The following ADAM12 variants were observed in gnomAD, a reference collection of about 807,000 sequenced individuals.
The protein encoded by ADAM12 is ADAM metallopeptidase domain 12.
Under a neutral mutation model 106.4 loss-of-function variants are expected in ADAM12, and 70 were observed. The ratio of observed to expected loss-of-function variants is 0.66; its 90% confidence interval spans 0.54 to 0.80. ADAM12 has a LOEUF of 0.80. Among genes scored for constraint, ADAM12 ranks in the 30% least tolerant of loss-of-function variants. The probability of loss-of-function intolerance (pLI) is 0.00; values close to 1 mark genes in which losing one functional copy is unlikely to be tolerated. For synonymous variants in ADAM12, 420 were observed against 433.5 expected, an observed-to-expected ratio of 0.97 and a Z score of 0.39; for missense variants, 1,010 against 1,171.9, an observed-to-expected ratio of 0.86 and a Z score of 2.02.
intron 12 of ADAM12, 21 bp downstream of exon 12, chr10:126,071,454 CTT>C (rs1289328218): frequency 1.1e-5 from 17 of 1,611,646 alleles, no homozygotes; most frequent in Non-Finnish European, 1.4e-5. Context: ...TTCTTGTATC[CTT>C]GTTCTGGGAA....
chr10:126,103,378 C>T (rs551118934), intron 8 of ADAM12, among the ~76,000 whole-genome samples: 4 of 152,306 alleles, frequency 2.6e-5, no homozygotes, highest in African/African-American at 9.6e-5. Flanking sequence ...TTGATTCTTC[C>T]TAATAACCAC....
At chr10:126,086,680 A>AAAAAAAAAATATAT (rs1554966976) in intron 11 of ADAM12, among the ~76,000 whole-genome samples, 1 of 24,268 alleles carries the variant, frequency 4.1e-5, no homozygotes, top group East Asian at 2.7e-3. Flanking sequence ...AAAAAAAAAA[A>AAAAAAAAAATATAT]ATATATATAT....
chr10:126,151,573 C>T (rs1956728799), intron 4 of ADAM12, among the ~76,000 whole-genome samples: 1 of 152,020 alleles, frequency 6.6e-6, no homozygotes, highest in Non-Finnish European at 1.5e-5. Context: ...TCATTTTGTG[C>T]ATGCTCTTTT....
intron 1 of ADAM12, among the ~76,000 whole-genome samples, chr10:126,334,597 A>C (rs1412556942): frequency 6.6e-6 from 1 of 152,142 alleles, no homozygotes; most frequent in Non-Finnish European, 1.5e-5. Flanking sequence ...GATTGCAATG[A>C]AAGTTTTTAA....
At chr10:126,358,778 G>T (rs1757492372) in intron 1 of ADAM12, among the ~76,000 whole-genome samples, 1 of 152,100 alleles carries the variant, frequency 6.6e-6, no homozygotes. Context: ...CTAGAATTTA[G>T]AATAAACAAA....
At chr10:126,363,664 T>A (rs774859077) in intron 1 of ADAM12, among the ~76,000 whole-genome samples, 43 of 152,298 alleles carry the variant, frequency 2.8e-4, no homozygotes, top group Middle Eastern at 3.4e-3. Flanking sequence ...TATGAGAACA[T>A]GCTGGGTTAG....
intron 8 of ADAM12, among the ~76,000 whole-genome samples, chr10:126,104,411 T>C (rs979536892): frequency 1.4e-5 from 2 of 147,120 alleles, no homozygotes; most frequent in Admixed American, 6.8e-5. Context: ...GATGGCGCCA[T>C]TGCACTCCAG....
chr10:126,271,369 C>T (rs1371617803), intron 3 of ADAM12, among the ~76,000 whole-genome samples: 1 of 152,212 alleles, frequency 6.6e-6, no homozygotes, highest in Non-Finnish European at 1.5e-5. Flanking sequence ...CCCACCAATA[C>T]TCTCTTGGCT....
intron 1 of ADAM12, among the ~76,000 whole-genome samples, chr10:126,367,926 A>C (rs1228274290): frequency 6.6e-6 from 1 of 151,988 alleles, no homozygotes; most frequent in Non-Finnish European, 1.5e-5. Flanking sequence ...TTAACTTATG[A>C]GGCCAGTATA....
chr10:126,081,334 C>T (rs1243609895), intron 11 of ADAM12, among the ~76,000 whole-genome samples: 1 of 151,812 alleles, frequency 6.6e-6, no homozygotes, highest in African/African-American at 2.4e-5. Flanking sequence ...TGCAGGGAAC[C>T]GGGGATGGGA....
intron 5 of ADAM12, among the ~76,000 whole-genome samples, chr10:126,131,350 A>C (rs1956302101): frequency 6.6e-6 from 1 of 151,764 alleles, no homozygotes; most frequent in Non-Finnish European, 1.5e-5. Flanking sequence ...ACCTCCACTG[A>C]GCTTGGGAGA....
chr10:126,233,969 CG>C (rs1303027855), intron 3 of ADAM12, among the ~76,000 whole-genome samples: 2 of 152,120 alleles, frequency 1.3e-5, no homozygotes, highest in African/African-American at 2.4e-5. Context: ...GTTATCTTTG[CG>C]TGTGTATGAT....
chr10:126,253,267 A>G (rs142724546), intron 3 of ADAM12, among the ~76,000 whole-genome samples: 1 of 152,248 alleles, frequency 6.6e-6, no homozygotes, highest in Non-Finnish European at 1.5e-5. Context: ...GCATGCATAT[A>G]TTACACTTTC....
rs570816441 is a variant in ADAM12 at position 126,246,094 on chromosome 10, A to G, written c.260+32821T>C. Among the ~76,000 whole-genome samples, 4 of 152,342 alleles carry G rather than the reference A, an allele frequency of 2.6e-5. No individual in the cohort carries two copies. The East Asian group carries it at 7.7e-4, about 29-fold the overall frequency. ...GAAGGGCCTAGGAAAAATGGTAAAG[A>G]CAAAGAAAATAATGAGGGACACAAA... On this transcript the variant is annotated intron_variant, in intron 3 of 22. Transcript: ENST00000448723.
At chr10:126,330,554 A>G (rs929380214) in intron 1 of ADAM12, 45 bp from the exon 2 acceptor site, 1 of 1,535,492 alleles carries the variant, frequency 6.5e-7, no homozygotes, top group African/African-American at 1.4e-5. Context: ...CTAGTCAGGA[A>G]GAGTTTGGCA....
intron 11 of ADAM12, among the ~76,000 whole-genome samples, chr10:126,091,642 C>T (rs1172826028): frequency 6.6e-6 from 1 of 152,136 alleles, no homozygotes. Flanking sequence ...ATTTGTCGAG[C>T]TCTTAACAAT....
rs1384252426 is a variant in ADAM12, at chr10:126,015,321, G to A, written c.*1958C>T. The A allele has an allele frequency of 7.2e-5, 11 of 152,150 alleles. No individual in the cohort carries two copies. Among genetic ancestry groups the A allele is most frequent in the Non-Finnish European group, 1.5e-5 (1 of 68,022 alleles). The allele number at this position is 152,150 out of a possible 1,614,324, so 9.4% of individuals were successfully genotyped here. A position where few individuals can be genotyped will look rare whatever the true frequency, so the allele number is the denominator to read the frequency against. On this transcript the variant is annotated 3_prime_UTR_variant, in exon 23 of 23. Coordinates refer to ENST00000448723, the MANE Select transcript of ADAM12 (RefSeq NM_001288973.2). ...GAAGGGCTAACATGCCAGATCTAAG[G>A]ATTTGGGCATCTAAAAAGACAATGC...
rs1319681869 is a variant in ADAM12 at position 126,086,688 on chromosome 10, T to A, written c.1145+7297A>T. Reference sequence around the variant, plus strand: ...AAAAAAAAAAAAAAAAAAATATATATATATATATATATATATATAAAATAA... The same window carrying A: ...AAAAAAAAAAAAAAAAAAATATATAAATATATATATATATATATAAAATAA... On this transcript the variant is annotated intron_variant, in intron 11 of 22. Transcript: ENST00000448723. 3.1e-3 allele frequency among the ~76,000 whole-genome samples: 150 copies of A among 47,786 alleles called. 1 individual carries two copies. Among genetic ancestry groups the A allele is most frequent in the African/African-American group, 9.9e-3 (66 of 6,658 alleles). The allele number at this position is 47,786 out of a possible 152,430, so 31.3% of individuals were successfully genotyped here.
chr10:126,068,884 T>A (rs576482255), intron 12 of ADAM12, among the ~76,000 whole-genome samples: 1 of 152,350 alleles, frequency 6.6e-6, no homozygotes, highest in East Asian at 1.9e-4. Flanking sequence ...CACAGATTCT[T>A]AATCACAATG....
Sources: allele counts gnomAD v4.1 joint callset (sites outside exome capture counted in the v4.1 genomes callset), GRCh38; gene constraint gnomAD v4.1.1; transcripts MANE v1.5; gene names NCBI Gene and HGNC (gene_info 2026-07-23, HGNC 2026-07-21).